CDKAL1: variants seen among roughly 807,000 people sequenced by gnomAD.
CDKAL1 encodes threonylcarbamoyladenosine tRNA methylthiotransferase.
Under a neutral mutation model 68.2 loss-of-function variants are expected in CDKAL1, and 32 were observed. The ratio of observed to expected loss-of-function variants is 0.47; its 90% CI spans 0.35 to 0.63. The LOEUF (loss-of-function observed/expected upper bound fraction) is 0.63, where lower values mean the gene tolerates loss of function less well. CDKAL1 is among the 30% of genes least tolerant of loss of function. The pLI, the probability that CDKAL1 is intolerant of heterozygous loss-of-function variation, is 0.00. For synonymous variants in CDKAL1, 234 were observed against 244.3 expected (o/e 0.96, Z 0.39); for missense variants, 606 against 696.7 (o/e 0.87, Z 1.47).
Position 20,540,100 on chromosome 6 carries a change from G to A in CDKAL1, c.-6+4706G>A, listed in dbSNP as rs565664990. Among the ~76,000 whole-genome samples the A allele has an allele frequency of 7.6e-4, 67 of 88,056 alleles. 1 individual carries two copies. The highest frequency in any genetic ancestry group is 7.1e-3 in the South Asian group (28 of 3,924). The allele number at this position is 88,056 out of a possible 152,430, so 57.8% of individuals were successfully genotyped here. On this transcript the variant is annotated intron_variant, in intron 2 of 15. Transcript: ENST00000274695. ...GTCTTTTTTTTTTTTTTGAGACAGA[G>A]TCTCACTCTGTTGGCCGGGCTGGAG...
At chr6:20,795,287 CTT>C (rs1776064253) in intron 8 of CDKAL1, among the ~76,000 whole-genome samples, 1 of 152,136 alleles carries the variant, frequency 6.6e-6, no homozygotes, top group Non-Finnish European at 1.5e-5. Flanking sequence ...TCTAAAGTCT[CTT>C]TTGCTGTTTC....
intron 8 of CDKAL1, among the ~76,000 whole-genome samples, chr6:20,822,570 C>A (rs550859452): frequency 1.3e-5 from 2 of 152,176 alleles, no homozygotes; most frequent in Non-Finnish European, 2.9e-5. Context: ...TGTCCTCACC[C>A]AAATCTCATC....
intron 12 of CDKAL1, among the ~76,000 whole-genome samples, chr6:21,085,571 C>T (rs368249229): frequency 6.6e-6 from 1 of 152,264 alleles, no homozygotes; most frequent in African/African-American, 2.4e-5. Flanking sequence ...CTGAGCTTTT[C>T]ACTACATGAA....
intron 5 of CDKAL1, among the ~76,000 whole-genome samples, chr6:20,732,846 A>G (rs772729302): frequency 2.0e-5 from 3 of 151,842 alleles, no homozygotes; most frequent in Admixed American, 6.6e-5. Flanking sequence ...TATGTGTCTC[A>G]TTGAATTTCT....
chr6:21,226,946 C>T (rs1330491178), intron 15 of CDKAL1, among the ~76,000 whole-genome samples: 1 of 152,166 alleles, frequency 6.6e-6, no homozygotes. Flanking sequence ...CTCCTGACCT[C>T]GTGATCCGCC....
chr6:20,898,066 C>G (rs1425799379), intron 9 of CDKAL1, among the ~76,000 whole-genome samples: 1 of 151,964 alleles, frequency 6.6e-6, no homozygotes, highest in East Asian at 1.9e-4. Context: ...TACTCATTTA[C>G]TTCTAGGTGT....
chr6:20,818,347 C>A (rs1485500719), intron 8 of CDKAL1, among the ~76,000 whole-genome samples: 3 of 152,118 alleles, frequency 2.0e-5, no homozygotes, highest in African/African-American at 4.8e-5. Flanking sequence ...GCAATAAACT[C>A]AAATTATTAT....
At chr6:20,568,606 G>A (rs1220193842) in intron 4 of CDKAL1, among the ~76,000 whole-genome samples, 3 of 151,674 alleles carry the variant, frequency 2.0e-5, no homozygotes, top group African/African-American at 4.8e-5. Context: ...GTGGTGGCGG[G>A]CGCCTGTAGT....
At chr6:20,884,594 T>C (rs1760980590) in intron 9 of CDKAL1, among the ~76,000 whole-genome samples, 1 of 152,140 alleles carries the variant, frequency 6.6e-6, no homozygotes, top group South Asian at 2.1e-4. Context: ...TGATCCTAAA[T>C]ATAGAAGATC....
intron 10 of CDKAL1, among the ~76,000 whole-genome samples, chr6:20,978,561 C>T (rs1765958547): frequency 2.0e-5 from 3 of 152,074 alleles, no homozygotes; most frequent in Admixed American, 2.0e-4. Context: ...GTGAGACATA[C>T]AGATGCTGTA....
intron 5 of CDKAL1, among the ~76,000 whole-genome samples, chr6:20,657,433 T>C (rs953825534): frequency 6.6e-6 from 1 of 152,232 alleles, no homozygotes; most frequent in Non-Finnish European, 1.5e-5. Flanking sequence ...TTGCTACTTA[T>C]TCCTGTGTGT....
At chr6:20,621,662 A>G (rs951620314) in intron 4 of CDKAL1, among the ~76,000 whole-genome samples, 25 of 152,064 alleles carry the variant, frequency 1.6e-4, no homozygotes, top group Admixed American at 4.6e-4. Flanking sequence ...TTATAATTCA[A>G]TACTACTTTA....
At chr6:21,184,618 C>T (rs79529169) in intron 13 of CDKAL1, among the ~76,000 whole-genome samples, 18,034 of 152,050 alleles carry the variant, frequency 0.12, 1,304 homozygotes, top group Non-Finnish European at 0.16. Flanking sequence ...TAAAATATCT[C>T]ACCTTAGGCC....
chr6:21,160,197 C>A (rs1414062632), intron 13 of CDKAL1, among the ~76,000 whole-genome samples: 2 of 152,202 alleles, frequency 1.3e-5, no homozygotes, highest in Admixed American at 1.3e-4. Context: ...GTGGAAGAAT[C>A]AATAAGTCGC....
chr6:20,596,659 C>T lies in CDKAL1; in HGVS notation c.286+47954C>T, dbSNP rs111659942. Among the ~76,000 whole-genome samples, 241 of 152,284 alleles carry T rather than the reference C, an allele frequency of 1.6e-3. 3 individuals are homozygous for T. Among genetic ancestry groups the T allele is most frequent in the African/African-American group, 5.1e-3 (212 of 41,562 alleles). On this transcript the variant is annotated intron_variant, in intron 4 of 15. Coordinates refer to ENST00000274695, the MANE Select transcript of CDKAL1 (RefSeq NM_017774.3). The stretch of plus-strand genomic sequence containing the variant: ...GGCTCCCTGGCTTCAGCCCCCTTTC[C>T]AGGAGAGTGAATGGTTCTTTCTCGC...
chr6:20,837,725 A>C (rs1224846856), intron 8 of CDKAL1, among the ~76,000 whole-genome samples: 1 of 145,668 alleles, frequency 6.9e-6, no homozygotes, highest in Non-Finnish European at 1.5e-5. Context: ...ACTAGCATAA[A>C]TTTGGCTTCA....
At chr6:20,891,541 T>C (rs2073859630) in intron 9 of CDKAL1, among the ~76,000 whole-genome samples, 1 of 149,244 alleles carries the variant, frequency 6.7e-6, no homozygotes, top group African/African-American at 2.5e-5. Context: ...TCTGTATTTT[T>C]TTTTTTTTTT....
intron 13 of CDKAL1, among the ~76,000 whole-genome samples, chr6:21,164,873 A>T (rs1339780823): frequency 2.0e-5 from 3 of 152,188 alleles, no homozygotes; most frequent in Non-Finnish European, 4.4e-5. Context: ...GAATCTTTTT[A>T]AAAAAATGTC....
intron 4 of CDKAL1, among the ~76,000 whole-genome samples, chr6:20,570,957 C>G (rs2127678121): frequency 6.6e-6 from 1 of 152,154 alleles, no homozygotes; most frequent in South Asian, 2.1e-4. Context: ...TCTCCTTATC[C>G]TATCTTCCCA....
Sources: allele counts gnomAD v4.1 joint callset (sites outside exome capture counted in the v4.1 genomes callset), GRCh38; gene constraint gnomAD v4.1.1; transcripts MANE v1.5; gene names NCBI Gene and HGNC (gene_info 2026-07-23, HGNC 2026-07-21).